The following SLC2A3 variants were observed in gnomAD, a reference collection of about 807,000 sequenced individuals.
SLC2A3 encodes the protein solute carrier family 2 member 3.
A neutral mutation model predicts 46.4 loss-of-function variants in SLC2A3; 21 were observed. The observed-to-expected ratio is 0.45, with a 90% CI of 0.32 to 0.65. The LOEUF (loss-of-function observed/expected upper bound fraction) is 0.65, where lower values mean the gene tolerates loss of function less well. SLC2A3 is among the 30% of genes least tolerant of loss of function. The pLI is 0.04. For synonymous variants in SLC2A3, 213 were observed against 239.4 expected (o/e 0.89, Z 1.02); for missense variants, 499 against 623.3 (o/e 0.80, Z 2.12).
chr12:7,920,302 T>G lies in SLC2A3; in HGVS notation c.*1111A>C, dbSNP rs776192666. 6.6e-6 allele frequency: 1 copy of G among 151,284 alleles called. No homozygotes were observed. Among genetic ancestry groups the G allele is most frequent in the African/African-American group, 2.4e-5 (1 of 41,254 alleles). 9.4% of individuals were successfully genotyped at this position (151,284 alleles called of 1,614,324 possible). ...CAAGAACCAATTATTTTAGGTTTCTTATTTGGATGGCTCTCCCACGAGATA... is the reference window on the plus strand; with the variant it reads ...CAAGAACCAATTATTTTAGGTTTCTGATTTGGATGGCTCTCCCACGAGATA... On this transcript the variant is annotated 3_prime_UTR_variant, in exon 10 of 10. Coordinates refer to ENST00000075120, the MANE Select transcript of SLC2A3 (RefSeq NM_006931.3).
chr12:7,928,800 C>T (rs1375406146), intron 6 of SLC2A3, among the ~76,000 whole-genome samples: 1 of 151,314 alleles, frequency 6.6e-6, no homozygotes, highest in African/African-American at 2.4e-5. Flanking sequence ...ACCTAGGAGG[C>T]TTTTTCTAAC....
chr12:7,930,710 A>G, intron 4 of SLC2A3, 68 bp from the exon 5 acceptor site: 14 of 1,471,070 alleles, frequency 9.5e-6, no homozygotes, highest in Non-Finnish European at 1.3e-5. Flanking sequence ...TTAAAACACA[A>G]AAAGTTCAGA....
intron 6 of SLC2A3, among the ~76,000 whole-genome samples, chr12:7,926,888 C>T (rs1036429188): frequency 1.3e-5 from 2 of 152,070 alleles, no homozygotes; most frequent in African/African-American, 2.4e-5. Flanking sequence ...ATGTTGTTTG[C>T]TAGGCACTGT....
At chr12:7,922,260 T>A (rs1167875121) in intron 9 of SLC2A3, among the ~76,000 whole-genome samples, 1 of 152,090 alleles carries the variant, frequency 6.6e-6, no homozygotes, top group African/African-American at 2.4e-5. Flanking sequence ...AAACAGGGTT[T>A]CACCATGATA....
In SLC2A3 at chr12:7,930,497, T is replaced by G; in HGVS notation, c.656A>C (p.Glu219Ala). Residue 219 changes from glutamate to alanine, a missense_variant, in exon 5 of 10, where the codon GAG (glutamate) becomes GCG (alanine). Physicochemically the swap from Glu to Ala is moderately radical, Grantham distance 107. This residue lies in a region of SLC2A3 where 248 missense variants were observed against 284.0 expected (regional missense o/e 0.87). Coordinates refer to ENST00000075120, the MANE Select transcript of SLC2A3 (RefSeq NM_006931.3). ...PRFLLINRKEEENAKQILQRL... is the reference protein window; with the variant it reads ...PRFLLINRKEAENAKQILQRL... The stretch of plus-strand genomic sequence containing the variant: ...ATACTCACTCTGCTTAGCATTCTCC[T>G]CTTCTTTTCTGTTAATGAGCAAAAA... 6.2e-7 allele frequency: 1 copy of G among 1,613,526 alleles called. No homozygotes were observed. The highest frequency in any genetic ancestry group is 1.1e-5 in the South Asian group (1 of 91,066).
intron 6 of SLC2A3, among the ~76,000 whole-genome samples, chr12:7,928,874 G>A (rs946284014): frequency 2.0e-5 from 3 of 151,418 alleles, no homozygotes; most frequent in Non-Finnish European, 4.4e-5. Context: ...TCCCAGGCTT[G>A]ACTCCTGGGC....
intron 6 of SLC2A3, among the ~76,000 whole-genome samples, chr12:7,926,804 C>T (rs141204056): frequency 6.6e-6 from 1 of 152,240 alleles, no homozygotes; most frequent in East Asian, 1.9e-4. Flanking sequence ...TTTCCTAGGC[C>T]TAGGCCCTTT....
intron 4 of SLC2A3, 40 bp from the exon 5 acceptor site, chr12:7,930,682 T>A: frequency 6.4e-7 from 1 of 1,571,652 alleles, no homozygotes; most frequent in East Asian, 2.3e-5. Flanking sequence ...ACCCCATACT[T>A]CACAGGCCAC....
chr12:7,924,351 A>T (rs1387176719), intron 8 of SLC2A3, 59 bp downstream of exon 8: 7 of 1,589,420 alleles, frequency 4.4e-6, no homozygotes, highest in Non-Finnish European at 6.0e-6. Flanking sequence ...GTGTCACAGA[A>T]GTCAACTGTA....
intron 1 of SLC2A3, among the ~76,000 whole-genome samples, chr12:7,934,771 C>T (rs1946196102): frequency 6.6e-6 from 1 of 152,010 alleles, no homozygotes; most frequent in Non-Finnish European, 1.5e-5. Context: ...AGGCAGCAGG[C>T]TGGGAGCTTC....
chr12:7,923,187 G>GAGTA (rs1474458002), intron 8 of SLC2A3, 163 bp from the exon 9 acceptor site: 6 of 740,188 alleles, frequency 8.1e-6, no homozygotes, highest in Non-Finnish European at 1.3e-5. Context: ...TTTATTTTTT[G>GAGTA]AGACAGGGTC....
chr12:7,935,229 G>A (rs1946200177), intron 1 of SLC2A3, among the ~76,000 whole-genome samples: 1 of 152,122 alleles, frequency 6.6e-6, no homozygotes, highest in African/African-American at 2.4e-5. Context: ...CGAGGCCGGC[G>A]GATCGCCTGA....
In SLC2A3 at chr12:7,936,047, ATTCAAGTC is replaced by A; in HGVS notation, c.-21_-14del. 1 of 1,604,698 alleles carries A rather than the reference ATTCAAGTC, an allele frequency of 6.2e-7. No individual in the cohort carries two copies. The highest frequency in any genetic ancestry group is 8.5e-7 in the Non-Finnish European group (1 of 1,171,396). On this transcript the variant is annotated 5_prime_UTR_variant, in exon 1 of 10. Transcript: ENST00000075120. Reference sequence around the variant, plus strand: ...TCTGTGTCCCCATCGCTGTAATCTAATTCAAGTCTTCAAGAAAGATCTAGGGGTGATTC... The same window carrying A: ...TCTGTGTCCCCATCGCTGTAATCTAATTCAAGAAAGATCTAGGGGTGATTC...
At position 7,921,312 on chromosome 12, in the gene SLC2A3, C is replaced by T. The variant is rs1946034513; in HGVS notation, c.*101G>A. On this transcript the variant is annotated 3_prime_UTR_variant, in exon 10 of 10. Coordinates refer to ENST00000075120, the MANE Select transcript of SLC2A3 (RefSeq NM_006931.3). ...GTGGGATGAGAAAGGAATTAAGTAG[C>T]AGCATTCAGAAGCGTCCTGGGTTCA... 1.9e-6 allele frequency: 3 copies of T among 1,581,230 alleles called. No individual in the cohort carries two copies. The highest frequency in any genetic ancestry group is 1.8e-4 in the Middle Eastern group (1 of 5,464).
At chr12:7,931,594 T>A (rs1261463198) in intron 3 of SLC2A3, 109 bp from the exon 4 acceptor site, 7 of 1,476,382 alleles carry the variant, frequency 4.7e-6, no homozygotes, top group Admixed American at 4.7e-5. Flanking sequence ...TCCCTTTTTT[T>A]TTTAATCTAA....
chr12:7,924,388 T>C, intron 8 of SLC2A3, 22 bp downstream of exon 8: 2 of 1,609,012 alleles, frequency 1.2e-6, no homozygotes, highest in Non-Finnish European at 1.7e-6. Flanking sequence ...CCTCCCTTTT[T>C]TTTCACCCAA....
At chr12:7,929,995 T>A in intron 5 of SLC2A3, 124 bp from the exon 6 acceptor site, 1 of 1,487,698 alleles carries the variant, frequency 6.7e-7, no homozygotes, top group South Asian at 1.4e-5. Context: ...ATTCCTTTTT[T>A]TTTTTTTGAG....
chr12:7,930,402 A>T, intron 5 of SLC2A3, 78 bp downstream of exon 5: 1 of 1,385,738 alleles, frequency 7.2e-7, no homozygotes. Flanking sequence ...AGTGTAACAG[A>T]AAGTAGGTCC....
At chr12:7,923,190 A>AC in intron 8 of SLC2A3, 166 bp from the exon 9 acceptor site, 1 of 712,852 alleles carries the variant, frequency 1.4e-6, no homozygotes, top group Non-Finnish European at 2.3e-6. Context: ...ATTTTTTGAG[A>AC]CAGGGTCTTA....
Sources: gnomAD v4.1 joint callset for allele counts (sites outside exome capture counted in the v4.1 genomes callset) on GRCh38, gnomAD v4.1.1 for gene constraint, gnomAD v4.1.1 regional missense constraint, MANE v1.5 for transcripts, NCBI Gene and HGNC (gene_info 2026-07-23, HGNC 2026-07-21) for gene names.